Variants in BTC observed in about 807,000 individuals in gnomAD.
BTC encodes betacellulin, also known as probetacellulin.
In BTC, 13 loss-of-function variants were observed where a neutral mutation model predicts 18.1. That is an observed-to-expected ratio of 0.72 (90% CI 0.47 to 1.14). The LOEUF is 1.14. Among genes scored for constraint, BTC ranks in the 50% most tolerant of loss-of-function variants. The pLI is 0.00. For synonymous variants in BTC, 83 were observed against 79.4 expected (o/e 1.05, Z -0.24); for missense variants, 247 against 224.2 (o/e 1.10, Z -0.65).
intron 3 of BTC, among the ~76,000 whole-genome samples, chr4:74,753,667 T>A (rs1325425333): frequency 2.0e-5 from 3 of 152,142 alleles, no homozygotes; most frequent in African/African-American, 7.2e-5. Flanking sequence ...GCAAGAGAGT[T>A]TTGCCTGAAT....
At chr4:74,772,959 A>G (rs2109903395) in intron 1 of BTC, among the ~76,000 whole-genome samples, 1 of 152,242 alleles carries the variant, frequency 6.6e-6, no homozygotes, top group South Asian at 2.1e-4. Context: ...GCTTTGTTTC[A>G]CATGCTGGTG....
chr4:74,748,895 A>T (rs1380849466), intron 4 of BTC, among the ~76,000 whole-genome samples: 1 of 152,206 alleles, frequency 6.6e-6, no homozygotes, highest in African/African-American at 2.4e-5. Flanking sequence ...CTCCAAGTTG[A>T]TATAACAAAA....
intron 4 of BTC, among the ~76,000 whole-genome samples, chr4:74,748,437 G>A (rs1478878028): frequency 6.6e-6 from 1 of 151,992 alleles, no homozygotes; most frequent in East Asian, 1.9e-4. Flanking sequence ...TCGGGAGGCT[G>A]AGGCAGGAGA....
chr4:74,792,441 T>C (rs945139426), intron 1 of BTC, among the ~76,000 whole-genome samples: 2 of 152,164 alleles, frequency 1.3e-5, no homozygotes, highest in African/African-American at 2.4e-5. Context: ...CATGCCCAGA[T>C]TATACCTACG....
At chr4:74,791,521 G>C (rs957679799) in intron 1 of BTC, among the ~76,000 whole-genome samples, 1 of 152,004 alleles carries the variant, frequency 6.6e-6, no homozygotes, top group Non-Finnish European at 1.5e-5. Context: ...AAAGAATATC[G>C]ATAACACATA....
chr4:74,774,465 GTGCAAAGATC>G (rs1282577090), intron 1 of BTC, among the ~76,000 whole-genome samples: 1 of 152,136 alleles, frequency 6.6e-6, no homozygotes, highest in Non-Finnish European at 1.5e-5. Context: ...GGAAAGTATG[GTGCAAAGATC>G]TGCTATTTAC....
Position 74,758,950 on chromosome 4 carries a change from T to TAC in BTC, c.164-2976_164-2975dup, listed in dbSNP as rs370397248. Among the ~76,000 whole-genome samples the TAC allele has an allele frequency of 9.4e-3, 1,427 of 151,134 alleles. 20 individuals are homozygous for TAC. Among genetic ancestry groups the TAC allele is most frequent in the African/African-American group, 0.032 (1,302 of 41,252 alleles). ...ATACTGCCACACATGCACATAAATA[T>TAC]ACACACACACACACACATACACACA... On this transcript the variant is annotated intron_variant, in intron 2 of 5. Coordinates refer to ENST00000395743, the MANE Select transcript of BTC (RefSeq NM_001729.4).
intron 1 of BTC, among the ~76,000 whole-genome samples, 196 bp downstream of exon 1, chr4:74,794,066 G>C (rs1305610205): frequency 3.9e-5 from 6 of 152,182 alleles, no homozygotes; most frequent in African/African-American, 1.4e-4. Context: ...ACTGCCTCCA[G>C]CAGGTGCAGC....
chr4:74,750,181 T>A (rs1724420974), intron 4 of BTC, among the ~76,000 whole-genome samples: 1 of 152,114 alleles, frequency 6.6e-6, no homozygotes, highest in Non-Finnish European at 1.5e-5. Context: ...TTTTCAAAGT[T>A]CTGGTATATA....
chr4:74,749,989 A>G (rs573523979), intron 4 of BTC, among the ~76,000 whole-genome samples: 43 of 150,686 alleles, frequency 2.9e-4, no homozygotes, highest in Non-Finnish European at 5.2e-4. Flanking sequence ...CCCGCTACTC[A>G]GGAGGCTGAG....
At chr4:74,775,704 A>C (rs1040853047) in intron 1 of BTC, among the ~76,000 whole-genome samples, 45 of 152,076 alleles carry the variant, frequency 3.0e-4, no homozygotes, top group African/African-American at 1.0e-3. Flanking sequence ...AAGCTCCATA[A>C]ATGTTTCTTC....
chr4:74,747,522 C>T (rs148912815), intron 5 of BTC, among the ~76,000 whole-genome samples: 3 of 152,168 alleles, frequency 2.0e-5, no homozygotes, highest in African/African-American at 7.2e-5. Flanking sequence ...CAACAGCTCC[C>T]AACAATTCTC....
intron 1 of BTC, among the ~76,000 whole-genome samples, chr4:74,783,146 T>G (rs1216095819): frequency 6.6e-6 from 1 of 152,234 alleles, no homozygotes; most frequent in Non-Finnish European, 1.5e-5. Flanking sequence ...GCAATTGCTT[T>G]TGGTGTTTTT....
chr4:74,771,154 G>C (rs1001419632), intron 1 of BTC, among the ~76,000 whole-genome samples: 1 of 151,954 alleles, frequency 6.6e-6, no homozygotes, highest in Non-Finnish European at 1.5e-5. Context: ...ATAATAATAG[G>C]AGGGAAGAAT....
At chr4:74,793,025 G>A (rs1039426437) in intron 1 of BTC, among the ~76,000 whole-genome samples, 6 of 152,178 alleles carry the variant, frequency 3.9e-5, no homozygotes, top group Non-Finnish European at 7.3e-5. Context: ...GGAATACTTT[G>A]ACTGTTGGAT....
intron 1 of BTC, among the ~76,000 whole-genome samples, chr4:74,780,935 T>C (rs935107718): frequency 2.0e-5 from 3 of 151,766 alleles, no homozygotes; most frequent in Admixed American, 6.6e-5. Context: ...ATACTTTAAG[T>C]TTCAGGGTAC....
Position 74,794,401 on chromosome 4 carries a change from G to T in BTC, c.-76C>A, listed in dbSNP as rs116326617. On this transcript the variant is annotated 5_prime_UTR_variant, in exon 1 of 6. Transcript: ENST00000395743. ...TTCGCCCCCTTCCCGGGCCTCGGGCGCCTGAGAGGGTGCCTGGAAACTAAT... is the reference window on the plus strand; with the variant it reads ...TTCGCCCCCTTCCCGGGCCTCGGGCTCCTGAGAGGGTGCCTGGAAACTAAT... The T allele has an allele frequency of 2.0e-3, 2,865 of 1,398,084 alleles. 50 individuals are homozygous for T. The African/African-American group carries it at 0.039, about 19-fold the overall frequency. 86.6% of individuals were successfully genotyped at this position (1,398,084 alleles called of 1,614,324 possible).
At chr4:74,762,700 G>A (rs1451337361) in intron 2 of BTC, among the ~76,000 whole-genome samples, 1 of 152,228 alleles carries the variant, frequency 6.6e-6, no homozygotes, top group East Asian at 1.9e-4. Flanking sequence ...CATCATATAA[G>A]AGTAGACCCA....
At chr4:74,789,577 C>G (rs1011220706) in intron 1 of BTC, among the ~76,000 whole-genome samples, 3 of 152,134 alleles carry the variant, frequency 2.0e-5, no homozygotes, top group Non-Finnish European at 2.9e-5. Flanking sequence ...AAGCAACTTT[C>G]TCAATGTTAC....
Sources: allele counts gnomAD v4.1 joint callset (sites outside exome capture counted in the v4.1 genomes callset), GRCh38; gene constraint gnomAD v4.1.1; transcripts MANE v1.5; gene names NCBI Gene and HGNC (gene_info 2026-07-23, HGNC 2026-07-21).